The following IL1R1 variants were observed in gnomAD, a reference collection of about 807,000 sequenced individuals.
The protein encoded by IL1R1 is interleukin-1 receptor type 1.
IL1R1 carries 22 observed loss-of-function variants against 50.2 expected under a neutral mutation model. The observed-to-expected ratio is 0.44, with a 90% CI of 0.31 to 0.63. IL1R1 has a LOEUF of 0.63. Ranked by LOEUF, IL1R1 falls within the 20% of genes least tolerant of loss-of-function variation. The pLI is 0.07. For missense variants in IL1R1, 509 were observed against 676.2 expected (o/e 0.75, Z 2.74); for synonymous variants, 251 against 236.7 (o/e 1.06, Z -0.55).
chr2:102,111,539 C>T (rs1272531234), intron 1 of IL1R1, among the ~76,000 whole-genome samples: 2 of 152,162 alleles, frequency 1.3e-5, no homozygotes, highest in Non-Finnish European at 2.9e-5. Context: ...CATGTCCAAC[C>T]TGTGCTAAGC....
chr2:102,100,119 C>G (rs1577840440), upstream of IL1R1, among the ~76,000 whole-genome samples: 2 of 152,238 alleles, frequency 1.3e-5, no homozygotes. Context: ...CACACACCAT[C>G]TGCACATCGT....
chr2:102,132,970 C>T (rs182914029), intron 1 of IL1R1, among the ~76,000 whole-genome samples: 57 of 152,214 alleles, frequency 3.7e-4, no homozygotes, highest in African/African-American at 1.0e-3. Context: ...TCCCACAAGG[C>T]GCAGTGGCTC....
At chr2:102,146,011 G>A (rs1467832293) in intron 1 of IL1R1, among the ~76,000 whole-genome samples, 1 of 152,112 alleles carries the variant, frequency 6.6e-6, no homozygotes, top group African/African-American at 2.4e-5. Context: ...GAGAGAAGTG[G>A]GAAGTTTCTT....
chr2:102,125,737 T>G (rs111384436), intron 1 of IL1R1, among the ~76,000 whole-genome samples: 3,990 of 152,238 alleles, frequency 0.026, 194 homozygotes, highest in African/African-American at 0.089. Context: ...AAGGTCTAAT[T>G]AGTTGTCTGT....
upstream of IL1R1, among the ~76,000 whole-genome samples, chr2:102,140,518 G>GT (rs1274096776): frequency 6.6e-6 from 1 of 152,202 alleles, no homozygotes; most frequent in African/African-American, 2.4e-5. Context: ...TTTCTTGTAA[G>GT]TTTTTGTCCA....
chr2:102,176,450 A>C lies in IL1R1; in HGVS notation c.1401A>C (p.Ser467=). ...ETSGFSWLGG[S]SEEQIAMYNA... ...CAGGCTTCAGCTGGCTGGGTGGTTC[A>C]TCTGAAGAGCAAATAGCCATGTATA... is the stretch of plus-strand genomic sequence containing the variant. Residue 467 remains serine, a synonymous_variant, in exon 12 of 12, where the codon TCA becomes TCC. Coordinates refer to ENST00000410023, the MANE Select transcript of IL1R1 (RefSeq NM_000877.4). 1 of 1,614,238 alleles carries C rather than the reference A, an allele frequency of 6.2e-7. No homozygotes were observed. The highest frequency in any genetic ancestry group is 8.5e-7 in the Non-Finnish European group (1 of 1,180,034).
At chr2:102,088,270 A>G (rs1679512193) in intron 1 of IL1R1, among the ~76,000 whole-genome samples, 2 of 152,240 alleles carry the variant, frequency 1.3e-5, no homozygotes, top group Admixed American at 1.3e-4. Flanking sequence ...TATTTCTTAA[A>G]TAATAAGAAT....
chr2:102,083,029 G>A (rs1679282743), intron 1 of IL1R1, among the ~76,000 whole-genome samples: 1 of 152,162 alleles, frequency 6.6e-6, no homozygotes, highest in Admixed American at 6.5e-5. Flanking sequence ...GAGGACCAGA[G>A]GGGGCCACTC....
At chr2:102,090,413 C>G (rs1679615905) in intron 1 of IL1R1, among the ~76,000 whole-genome samples, 1 of 152,192 alleles carries the variant, frequency 6.6e-6, no homozygotes, top group Admixed American at 6.5e-5. Context: ...TTCTGATTTG[C>G]TCTTTCTGTC....
chr2:102,162,179 A>G (rs1684789518), intron 3 of IL1R1, among the ~76,000 whole-genome samples: 1 of 152,212 alleles, frequency 6.6e-6, no homozygotes, highest in South Asian at 2.1e-4. Context: ...ATACATTGTG[A>G]AATGGTTAAC....
At chr2:102,156,498 T>TA (rs1367923748) in intron 2 of IL1R1, among the ~76,000 whole-genome samples, 1 of 151,910 alleles carries the variant, frequency 6.6e-6, no homozygotes, top group Admixed American at 6.5e-5. Context: ...TTTTGTAACT[T>TA]AAAAAAATAC....
At chr2:102,119,169 A>G (rs769122152) in intron 1 of IL1R1, among the ~76,000 whole-genome samples, 11 of 152,208 alleles carry the variant, frequency 7.2e-5, no homozygotes, top group Admixed American at 1.3e-4. Context: ...GGCGGTAAAC[A>G]CTGTAACTTC....
chr2:102,113,656 C>T (rs1042015897), intron 1 of IL1R1, among the ~76,000 whole-genome samples: 4 of 152,234 alleles, frequency 2.6e-5, no homozygotes, highest in South Asian at 2.1e-4. Flanking sequence ...TTGCTTGCCC[C>T]GCTCTAGGCT....
chr2:102,159,369 T>G (rs1259299655), intron 3 of IL1R1, among the ~76,000 whole-genome samples: 4 of 152,212 alleles, frequency 2.6e-5, no homozygotes, highest in Non-Finnish European at 5.9e-5. Context: ...CCATGTGTGT[T>G]GGAGCATACC....
At chr2:102,093,949 C>T (rs1436033900) in intron 1 of IL1R1, among the ~76,000 whole-genome samples, 2 of 152,226 alleles carry the variant, frequency 1.3e-5, no homozygotes, top group East Asian at 3.9e-4. Flanking sequence ...GTTCCAGAAC[C>T]TGCCTCCGTC....
chr2:102,136,854 T>C (rs991290455), intron 1 of IL1R1, among the ~76,000 whole-genome samples: 1 of 152,236 alleles, frequency 6.6e-6, no homozygotes, highest in Non-Finnish European at 1.5e-5. Flanking sequence ...CTTCCTTTGC[T>C]GATAGTGGCC....
At chr2:102,086,838 C>T (rs574922369) in intron 1 of IL1R1, among the ~76,000 whole-genome samples, 3 of 152,122 alleles carry the variant, frequency 2.0e-5, no homozygotes, top group African/African-American at 7.2e-5. Context: ...TTTTTTTGAG[C>T]ATATTGATAC....
chr2:102,124,309 A>G (rs1419387447), intron 1 of IL1R1, among the ~76,000 whole-genome samples: 1 of 151,772 alleles, frequency 6.6e-6, no homozygotes, highest in African/African-American at 2.4e-5. Flanking sequence ...AATCCCAGCT[A>G]CTCGGGAGGC....
intron 1 of IL1R1, among the ~76,000 whole-genome samples, chr2:102,147,799 G>C (rs1047757530): frequency 1.3e-5 from 2 of 152,074 alleles, no homozygotes; most frequent in Non-Finnish European, 2.9e-5. Context: ...GTGGCTTTTC[G>C]CCTTGTATTA....
Sources: gnomAD v4.1 joint callset for allele counts (sites outside exome capture counted in the v4.1 genomes callset) on GRCh38, gnomAD v4.1.1 for gene constraint, MANE v1.5 for transcripts, NCBI Gene and HGNC (gene_info 2026-07-23, HGNC 2026-07-21) for gene names.